DNMT3A: variants seen among roughly 807,000 people sequenced by gnomAD.
The protein encoded by DNMT3A is DNA (cytosine-5)-methyltransferase 3A.
In DNMT3A, 267 loss-of-function variants were observed where a neutral mutation model predicts 117.6. The ratio of observed to expected loss-of-function variants is 2.27; its 90% CI spans 2.05 to 2.51. The LOEUF (loss-of-function observed/expected upper bound fraction) is 2.51, where lower values mean the gene tolerates loss of function less well. Ranked by LOEUF, DNMT3A falls within the 30% of genes most tolerant of loss-of-function variation. DNMT3A has a pLI of 0.00. For synonymous variants in DNMT3A, 432 were observed against 474.8 expected, an observed-to-expected ratio of 0.91 and a Z score of 1.17; for missense variants, 1,029 against 1,260.2, an observed-to-expected ratio of 0.82 and a Z score of 2.78.
At chr2:25,235,942 AGGGG>A in intron 21 of DNMT3A, 117 bp from the exon 22 acceptor site, 1 of 947,940 alleles carries the variant, frequency 1.1e-6, no homozygotes, top group Non-Finnish European at 1.7e-6. Context: ...TGGTCCACCC[AGGGG>A]GCTGGGTATG....
rs758845779 is a variant in DNMT3A, at chr2:25,240,315, G to C, written c.2309C>G (p.Ser770Trp). ...TGCTGGCTATACCTCGAGAAATCGC[G>C]AGATGTCCCTCTTGTCACTAACGCC... ...AMGVSDKRDI[S>W]RFLESNPVMI... Residue 770 changes from serine (S) to tryptophan (W), a missense_variant, in exon 19 of 23, where the codon TCG (serine) becomes TGG (tryptophan). Ser to Trp is a radical substitution (Grantham distance 177). Coordinates refer to ENST00000321117, the MANE Select transcript of DNMT3A (RefSeq NM_022552.5). The C allele has an allele frequency of 3.1e-6, 5 of 1,614,120 alleles. No homozygotes were observed. The highest frequency in any genetic ancestry group is 4.2e-6 in the Non-Finnish European group (5 of 1,179,990).
intron 2 of DNMT3A, among the ~76,000 whole-genome samples, chr2:25,307,401 G>A (rs192633982): frequency 1.1e-4 from 16 of 145,914 alleles, no homozygotes; most frequent in Middle Eastern, 3.7e-3. Context: ...CAGGTGACCT[G>A]CCCACCTCAG....
intron 1 of DNMT3A, among the ~76,000 whole-genome samples, chr2:25,341,238 C>G (rs1353518903): frequency 6.9e-6 from 1 of 144,524 alleles, no homozygotes; most frequent in African/African-American, 2.5e-5. Context: ...GGGGCCGGGT[C>G]GTGCCAGGCT....
At chr2:25,288,298 G>C (rs1489112992) in intron 3 of DNMT3A, among the ~76,000 whole-genome samples, 1 of 152,050 alleles carries the variant, frequency 6.6e-6, no homozygotes, top group Admixed American at 6.5e-5. Context: ...GCCAGGCGTG[G>C]TAGCAGGCGC....
intron 1 of DNMT3A, among the ~76,000 whole-genome samples, chr2:25,324,239 A>T (rs909031742): frequency 6.6e-6 from 1 of 152,208 alleles, no homozygotes; most frequent in African/African-American, 2.4e-5. Context: ...TGTGCTAAGG[A>T]ACATGCACTA....
rs972327144 is a variant in DNMT3A at position 25,309,889 on chromosome 2, T to TA, written c.72+4023dup. ...TAACATGGTGAAACCCCGTCTCTACTAAAAAAAAAAATACAAAAAATTAGC... is the reference window on the plus strand; with the variant it reads ...TAACATGGTGAAACCCCGTCTCTACTAAAAAAAAAAAATACAAAAAATTAGC... On this transcript the variant is annotated intron_variant, in intron 2 of 22. Transcript: ENST00000321117. Among the ~76,000 whole-genome samples, 59 of 147,640 alleles carry TA rather than the reference T, an allele frequency of 4.0e-4. 1 individual carries two copies. Among genetic ancestry groups the TA allele is most frequent in the South Asian group, 2.6e-3 (12 of 4,670 alleles).
chr2:25,323,541 G>GT (rs759336166), intron 1 of DNMT3A, among the ~76,000 whole-genome samples: 1 of 152,200 alleles, frequency 6.6e-6, no homozygotes, highest in Non-Finnish European at 1.5e-5. Context: ...CAGCTGTCGA[G>GT]TGGGAGAAAG....
chr2:25,324,688 GTCTA>G (rs2034722125), intron 1 of DNMT3A, among the ~76,000 whole-genome samples: 3 of 152,192 alleles, frequency 2.0e-5, no homozygotes, highest in Admixed American at 2.0e-4. Flanking sequence ...AGACGGAGAT[GTCTA>G]TCTGTCAACT....
In DNMT3A at chr2:25,246,614, A is replaced by C; in HGVS notation, c.1279+6T>G. 1 of 1,606,952 alleles carries C rather than the reference A, an allele frequency of 6.2e-7. No homozygotes were observed. Among genetic ancestry groups the C allele is most frequent in the African/African-American group, 1.3e-5 (1 of 74,746 alleles). ...GGGTCCCAGAAAGCTGGGTGCCCTC[A>C]TTTACCTTCTGGTGGCTCCAGGCCC... On this transcript the variant is annotated splice_donor_region_variant and intron_variant, in intron 10 of 22. Coordinates refer to ENST00000321117, the MANE Select transcript of DNMT3A (RefSeq NM_022552.5).
At position 25,298,403 on chromosome 2, in the gene DNMT3A, T is replaced by C. The variant is rs1431038333; in HGVS notation, c.177+1736A>G. Among the ~76,000 whole-genome samples the C allele has an allele frequency of 6.6e-6, 1 of 152,216 alleles. No homozygotes were observed. Among genetic ancestry groups the C allele is most frequent in the Non-Finnish European group, 1.5e-5 (1 of 68,032 alleles). On this transcript the variant is annotated intron_variant, in intron 3 of 22. Transcript: ENST00000321117. This position sits in a 1 kb window ranked among gnomAD's most constrained non-coding sequence, Gnocchi z 4.3. ...AGTGCTTCACTCCACCTCTCAGCGA[T>C]GTGGCTACCCTCTGATTCCAGAGAC...
intron 3 of DNMT3A, among the ~76,000 whole-genome samples, chr2:25,283,233 A>G (rs1161254799): frequency 6.6e-6 from 1 of 152,026 alleles, no homozygotes; most frequent in Non-Finnish European, 1.5e-5. Flanking sequence ...ATGGTGGTGC[A>G]TGCCCGTAAT....
At position 25,293,022 on chromosome 2, in the gene DNMT3A, A is replaced by G. The variant is rs1434539481; in HGVS notation, c.177+7117T>C. 1.3e-5 allele frequency among the ~76,000 whole-genome samples: 2 copies of G among 152,134 alleles called. No individual in the cohort carries two copies. Among genetic ancestry groups the G allele is most frequent in the Non-Finnish European group, 2.9e-5 (2 of 67,990 alleles). On this transcript the variant is annotated intron_variant, in intron 3 of 22. Transcript: ENST00000321117. The surrounding 1 kb of genome is among the most constrained non-coding windows in gnomAD (Gnocchi z 4.7). Reference sequence around the variant, plus strand: ...AGGGATTATTTTTGGAAAAAAAAAAAAAGGAGATTCTGAGATTCTACTTAA... The same window carrying G: ...AGGGATTATTTTTGGAAAAAAAAAAGAAGGAGATTCTGAGATTCTACTTAA...
chr2:25,318,901 G>T (rs563518243), intron 1 of DNMT3A, among the ~76,000 whole-genome samples: 1 of 149,980 alleles, frequency 6.7e-6, no homozygotes, highest in African/African-American at 2.5e-5. Context: ...GGGTTTCACC[G>T]TGTTAGCCAG....
At chr2:25,289,521 G>C (rs780595626) in intron 3 of DNMT3A, among the ~76,000 whole-genome samples, 34 of 152,174 alleles carry the variant, frequency 2.2e-4, no homozygotes, top group Admixed American at 2.0e-3. Context: ...AGGGGAGCTG[G>C]AGCGATACTC....
chr2:25,299,300 C>T (rs913693598), intron 3 of DNMT3A, among the ~76,000 whole-genome samples: 1 of 152,174 alleles, frequency 6.6e-6, no homozygotes, highest in Non-Finnish European at 1.5e-5. Context: ...GGCCCTGCAG[C>T]CTACATGCCT....
rs375639123 is a variant in DNMT3A at position 25,234,791 on chromosome 2, G to A, written c.2598-371C>T. On this transcript the variant is annotated intron_variant, in intron 22 of 22. Coordinates refer to ENST00000321117, the MANE Select transcript of DNMT3A (RefSeq NM_022552.5). The surrounding 1 kb of genome is among the most constrained non-coding windows in gnomAD (Gnocchi z 4.5). ...TTCTCCTCTCCTGCAGGGTTAGCTC[G>A]GCAACGTACACCTGGAGTCTGCATG... Among the ~76,000 whole-genome samples the A allele has an allele frequency of 1.2e-4, 18 of 152,214 alleles. No homozygotes were observed. Among genetic ancestry groups the A allele is most frequent in the East Asian group, 1.2e-3 (6 of 5,178 alleles).
chr2:25,342,461 C>G (rs1211882016), upstream of DNMT3A: 2 of 152,170 alleles, frequency 1.3e-5, no homozygotes, highest in Admixed American at 6.5e-5. The surrounding 1 kb of genome is among the most constrained non-coding windows in gnomAD (Gnocchi z 5.9). Flanking sequence ...GTCCCCGCAT[C>G]CAGCACTGGC....
intron 1 of DNMT3A, among the ~76,000 whole-genome samples, chr2:25,329,703 A>G (rs1004657728): frequency 1.3e-5 from 2 of 151,372 alleles, no homozygotes; most frequent in Non-Finnish European, 2.9e-5. Flanking sequence ...ACACACACAC[A>G]CACACACACA....
chr2:25,314,236 C>T (rs2034273259), intron 1 of DNMT3A, 75 bp from the exon 2 acceptor site: 1 of 1,361,852 alleles, frequency 7.3e-7, no homozygotes, highest in African/African-American at 1.5e-5. Flanking sequence ...CCCAGGGCCA[C>T]ACCTGGCCTG....
Sources: allele counts gnomAD v4.1 joint callset (sites outside exome capture counted in the v4.1 genomes callset), GRCh38; gene constraint gnomAD v4.1.1; non-coding constraint Gnocchi (gnomAD v3.1); transcripts MANE v1.5; gene names NCBI Gene and HGNC (gene_info 2026-07-23, HGNC 2026-07-21).